TRMT44: variants seen among roughly 807,000 people sequenced by gnomAD.
The protein encoded by TRMT44 is probable tRNA (uracil-O(2)-)-methyltransferase.
TRMT44 carries 78 observed loss-of-function variants against 77.3 expected under a neutral mutation model. The observed-to-expected ratio is 1.01, with a 90% CI of 0.84 to 1.22. TRMT44 has a LOEUF of 1.22. Among genes scored for constraint, TRMT44 ranks in the 50% most tolerant of loss-of-function variants. The pLI is 0.00. For missense variants in TRMT44, 1,090 were observed against 964.4 expected, an observed-to-expected ratio of 1.13 and a Z score of -1.73; for synonymous variants, 391 against 383.3, an observed-to-expected ratio of 1.02 and a Z score of -0.23.
rs1724635799 is a variant in TRMT44, at chr4:8,441,029, G to T, written c.207G>T (p.Glu69Asp). The stretch of plus-strand genomic sequence containing the variant: ...CTAGCGCAGGCTCGGAGCAGAAGGA[G>T]CGGGGTCCGGGACCCGGCCAGGGTT... ...PGTSAGSEQK[E>D]RGPGPGQGSP... Residue 69 changes from glutamate to aspartate, a missense_variant, in exon 1 of 11, where the codon GAG becomes GAT. By Grantham distance (45) the Glu-to-Asp change is conservative. Coordinates refer to ENST00000389737, the MANE Select transcript of TRMT44 (RefSeq NM_152544.3). 4 of 1,499,580 alleles carry T rather than the reference G, an allele frequency of 2.7e-6. No homozygotes were observed. In the Admixed American group the frequency reaches 6.7e-5, roughly 25 times the overall value. 92.9% of individuals were successfully genotyped at this position (1,499,580 alleles called of 1,614,324 possible). A position where few individuals can be genotyped will look rare whatever the true frequency, so the allele number is the denominator to read the frequency against.
At position 8,451,676 on chromosome 4, in the gene TRMT44, C is replaced by T. The variant is rs1004442256; in HGVS notation, c.955-284C>T. 6.6e-6 allele frequency among the ~76,000 whole-genome samples: 1 copy of T among 152,214 alleles called. No individual in the cohort carries two copies. Among genetic ancestry groups the T allele is most frequent in the Non-Finnish European group, 1.5e-5 (1 of 68,040 alleles). On this transcript the variant is annotated intron_variant, in intron 3 of 10. Transcript: ENST00000389737. This position sits in a 1 kb window ranked among gnomAD's most constrained non-coding sequence, Gnocchi z 4.1. ...TGCATAGACAATGAGCACAGTGTAG[C>T]TAAGTGTTTCCTCTGTGTCCACTGC...
chr4:8,479,974 C>T (rs371390272), downstream of TRMT44, among the ~76,000 whole-genome samples: 19 of 152,210 alleles, frequency 1.2e-4, no homozygotes, highest in East Asian at 2.9e-3. Context: ...CTCAGCCTCC[C>T]GGGCTTAATT....
At chr4:8,469,795 G>A (rs369950091) in intron 9 of TRMT44, among the ~76,000 whole-genome samples, 5 of 152,258 alleles carry the variant, frequency 3.3e-5, no homozygotes, top group African/African-American at 1.2e-4. Context: ...CCGCCCACAG[G>A]CGGCCTTCAG....
At chr4:8,479,728 C>T (rs1160179821), downstream of TRMT44, among the ~76,000 whole-genome samples, 2 of 152,156 alleles carry the variant, frequency 1.3e-5, no homozygotes, top group South Asian at 4.1e-4. Flanking sequence ...AGGCCACACT[C>T]AGTTTATACT....
At chr4:8,459,476 C>T (rs773587954) in intron 6 of TRMT44, among the ~76,000 whole-genome samples, 2 of 152,182 alleles carry the variant, frequency 1.3e-5, no homozygotes, top group African/African-American at 4.8e-5. Context: ...GTACGGCAAG[C>T]GGTGAAGGCA....
intron 6 of TRMT44, among the ~76,000 whole-genome samples, chr4:8,459,542 C>T (rs1213791212): frequency 1.3e-5 from 2 of 152,192 alleles, no homozygotes; most frequent in East Asian, 1.9e-4. Flanking sequence ...TTACAAATTA[C>T]ACTACATAAA....
Position 8,446,528 on chromosome 4 carries a change from G to A in TRMT44, c.672G>A (p.Gly224=). The A allele has an allele frequency of 6.5e-7, 1 of 1,536,472 alleles. No individual in the cohort carries two copies. Among genetic ancestry groups the A allele is most frequent in the Non-Finnish European group, 8.7e-7 (1 of 1,146,972 alleles). ...TFLPLEEDDE[G]NLKVKMSNVY... Reference sequence around the variant, plus strand: ...TGCCTTTGGAAGAAGATGATGAGGGGAACCTAAAGGTTAAGATGAGCAATG... The same window carrying A: ...TGCCTTTGGAAGAAGATGATGAGGGAAACCTAAAGGTTAAGATGAGCAATG... Residue 224 remains glycine, a synonymous_variant, in exon 2 of 11, where the codon GGG becomes GGA. Transcript: ENST00000389737. The surrounding 1 kb of genome is among the most constrained non-coding windows in gnomAD (Gnocchi z 4.3).
At position 8,487,632 on chromosome 4, in the gene TRMT44, G is replaced by A. The variant is rs142156339; in HGVS notation, n.3892-5634G>A. 5.3e-3 allele frequency among the ~76,000 whole-genome samples: 797 copies of A among 151,452 alleles called. 2 individuals are homozygous for A. Among genetic ancestry groups the A allele is most frequent in the African/African-American group, 9.6e-3 (399 of 41,436 alleles). ...GGGTACAGAGATAAGAGGTCGGGGC[G>A]TGGAAATAAGGGATTGGGGGTTCTT... On this transcript the variant is annotated intron_variant and non_coding_transcript_variant, in intron 2 of 2. Transcript: ENST00000511366.
chr4:8,444,884 A>G lies in TRMT44; in HGVS notation c.620-1592A>G, dbSNP rs186444046. On this transcript the variant is annotated intron_variant, in intron 1 of 10. Transcript: ENST00000389737. This position sits in a 1 kb window ranked among gnomAD's most constrained non-coding sequence, Gnocchi z 4.0. Reference sequence around the variant, plus strand: ...TGCTATGTACCCACAAAAATGAAAAATTTAAAAATTTTAAAAATCGAAATT... The same window carrying G: ...TGCTATGTACCCACAAAAATGAAAAGTTTAAAAATTTTAAAAATCGAAATT... 2.4e-4 allele frequency among the ~76,000 whole-genome samples: 37 copies of G among 152,340 alleles called. 1 individual carries two copies. The East Asian group carries it at 7.1e-3, about 29-fold the overall frequency.
At chr4:8,506,612 T>G in the TRMT44 span, among the ~76,000 whole-genome samples, 1 of 152,184 alleles carries the variant, frequency 6.6e-6, no homozygotes, top group Non-Finnish European at 1.5e-5. Context: ...CCTCTCGGGC[T>G]GGGAGGTGAT....
In TRMT44 at chr4:8,441,754, C is replaced by A. The variant is rs139167819; in HGVS notation, c.619+313C>A. On this transcript the variant is annotated intron_variant, in intron 1 of 10. Transcript: ENST00000389737. ...TGTTGGGGACCAGCCTCAACACCAC[C>A]CGTAGGGTACTCAAAGTCCGGTGGC... Among the ~76,000 whole-genome samples, 53 of 152,158 alleles carry A rather than the reference C, an allele frequency of 3.5e-4. 2 individuals are homozygous for A. In the East Asian group the frequency reaches 6.2e-3, roughly 18 times the overall value.
At chr4:8,465,583 T>C (rs745657567) in intron 8 of TRMT44, 22 bp downstream of exon 8, 19 of 1,596,386 alleles carry the variant, frequency 1.2e-5, no homozygotes, top group Admixed American at 1.7e-5. Flanking sequence ...TCTCATGTTG[T>C]TCTAGGCGGT....
the TRMT44 span, among the ~76,000 whole-genome samples, chr4:8,504,995 A>G: frequency 0.058 from 8,873 of 151,796 alleles, 616 homozygotes; most frequent in African/African-American, 0.18. The surrounding 1 kb of genome is among the most constrained non-coding windows in gnomAD (Gnocchi z 5.3). Context: ...CCTCCCCTGC[A>G]TGCTGCCCCC....
the TRMT44 span, among the ~76,000 whole-genome samples, chr4:8,499,636 C>T: frequency 2.6e-5 from 4 of 151,850 alleles, no homozygotes; most frequent in Non-Finnish European, 5.9e-5. Context: ...GCCTCTTTCA[C>T]CACCACCACC....
chr4:8,445,139 A>G (rs1724982125), intron 1 of TRMT44, among the ~76,000 whole-genome samples: 1 of 152,210 alleles, frequency 6.6e-6, no homozygotes, highest in Non-Finnish European at 1.5e-5. Context: ...TGGATGATAA[A>G]GTTGTGAGCT....
intron 6 of TRMT44, among the ~76,000 whole-genome samples, chr4:8,458,275 C>T (rs1227195482): frequency 6.6e-6 from 1 of 152,134 alleles, no homozygotes; most frequent in Non-Finnish European, 1.5e-5. Flanking sequence ...ATGTGCCTGC[C>T]TCTCCTGCCT....
downstream of TRMT44, among the ~76,000 whole-genome samples, chr4:8,480,539 G>C (rs1339807339): frequency 6.6e-6 from 1 of 152,168 alleles, no homozygotes; most frequent in African/African-American, 2.4e-5. Context: ...CTGCCATTTT[G>C]TCTCTTAATG....
intron 6 of TRMT44, among the ~76,000 whole-genome samples, chr4:8,460,503 G>T (rs981782587): frequency 1.3e-5 from 2 of 151,830 alleles, no homozygotes; most frequent in African/African-American, 4.8e-5. Context: ...CATAGAAATA[G>T]AAAATCAAAA....
chr4:8,499,174 G>A, the TRMT44 span, among the ~76,000 whole-genome samples: 44 of 152,086 alleles, frequency 2.9e-4, no homozygotes, highest in Non-Finnish European at 5.4e-4. Context: ...CCTGAGATGT[G>A]GCTCTGGGTT....
Sources: allele counts gnomAD v4.1 joint callset (sites outside exome capture counted in the v4.1 genomes callset), GRCh38; gene constraint gnomAD v4.1.1; non-coding constraint Gnocchi (gnomAD v3.1); transcripts MANE v1.5; gene names NCBI Gene and HGNC (gene_info 2026-07-23, HGNC 2026-07-21).